Variants in CACNA1S observed in about 807,000 individuals in gnomAD.
The protein encoded by CACNA1S is voltage-dependent L-type calcium channel subunit alpha-1S.
CACNA1S carries 126 observed loss-of-function variants against 207.4 expected under a neutral mutation model. That is an observed-to-expected ratio of 0.61 (90% CI 0.53 to 0.70). The LOEUF (loss-of-function observed/expected upper bound fraction) is 0.70, where lower values mean the gene tolerates loss of function less well. Ranked by LOEUF, CACNA1S falls within the 30% of genes least tolerant of loss-of-function variation. The probability of loss-of-function intolerance (pLI) is 0.00; values close to 1 mark genes in which losing one functional copy is unlikely to be tolerated. For synonymous variants in CACNA1S, 960 were observed against 932.7 expected (o/e 1.03, Z -0.53); for missense variants, 2,349 against 2,422.8 (o/e 0.97, Z 0.64).
intron 16 of CACNA1S, among the ~76,000 whole-genome samples, chr1:201,071,468 G>A (rs575896352): frequency 6.6e-6 from 1 of 151,994 alleles, no homozygotes; most frequent in East Asian, 1.9e-4. Context: ...TCTTTCCCCC[G>A]CCTTCTTACT....
At position 201,092,673 on chromosome 1, in the gene CACNA1S, C is replaced by A. The variant is rs192691880; in HGVS notation, c.399-559G>T. 1.1e-4 allele frequency among the ~76,000 whole-genome samples: 17 copies of A among 152,304 alleles called. No individual in the cohort carries two copies. The East Asian group carries it at 3.1e-3, about 28-fold the overall frequency. ...CGGCAGAACTCCCTGGGACACATTG[C>A]GTATGAAACAACAATGCGCTGTGAG... is the stretch of plus-strand genomic sequence containing the variant. On this transcript the variant is annotated intron_variant, in intron 3 of 43. Transcript: ENST00000362061.
intron 34 of CACNA1S, 152 bp downstream of exon 34, chr1:201,050,237 G>A (rs938020009): frequency 2.3e-6 from 2 of 882,148 alleles, no homozygotes; most frequent in African/African-American, 1.6e-5. Flanking sequence ...CCAACCTGGA[G>A]ATACTCTGAT....
chr1:201,104,092 A>G (rs912084273), intron 2 of CACNA1S, among the ~76,000 whole-genome samples: 5 of 152,258 alleles, frequency 3.3e-5, no homozygotes, highest in African/African-American at 1.2e-4. Context: ...AAAGGATGCC[A>G]TATCTTTGTA....
rs1660496585 is a variant in CACNA1S, at chr1:201,047,123, G to T, written c.4660C>A (p.Gln1554Lys). 2.5e-6 allele frequency: 4 copies of T among 1,614,210 alleles called. No individual in the cohort carries two copies. Among genetic ancestry groups the T allele is most frequent in the Non-Finnish European group, 3.4e-6 (4 of 1,180,036 alleles). The change falls in exon 38 of 44, where the codon CAG becomes AAG. Residue 1554 changes from glutamine to lysine, a missense_variant. By Grantham distance (53) the Gln-to-Lys change is moderately conservative. Coordinates refer to ENST00000362061, the MANE Select transcript of CACNA1S (RefSeq NM_000069.3). ...YGYRPKKDIV[Q>K]IQAGLRTIEE... ...ACCTGGATTGGGCTTACCTGGATCT[G>T]TACAATGTCCTTCTTGGGCCGATAG...
At position 201,054,489 on chromosome 1, in the gene CACNA1S, T is replaced by C; in HGVS notation, c.3666+16A>G. On this transcript the variant is annotated intron_variant, in intron 29 of 43. Transcript: ENST00000362061. ...CTGGTGAGCGTGCCAGGCAGGCTCG[T>C]GCAGCCTGAAATTACAACGTTCCCG... is the stretch of plus-strand genomic sequence containing the variant. 6.2e-7 allele frequency: 1 copy of C among 1,611,648 alleles called. No individual in the cohort carries two copies. The highest frequency in any genetic ancestry group is 8.5e-7 in the Non-Finnish European group (1 of 1,178,210).
At chr1:201,051,177 G>T in intron 32 of CACNA1S, 34 bp from the exon 33 acceptor site, 1 of 1,613,188 alleles carries the variant, frequency 6.2e-7, no homozygotes, top group Non-Finnish European at 8.5e-7. Context: ...TCACCTATCT[G>T]CTCCTGCCTG....
At position 201,075,550 on chromosome 1, in the gene CACNA1S, G is replaced by C. The variant is rs1266860203; in HGVS notation, c.1893C>G (p.Ser631=). Residue 631 remains serine (S), a synonymous_variant, in exon 13 of 44, where the codon TCC becomes TCG. Transcript: ENST00000362061. ...YNGIMAYGGP[S]YPGMLVCIYF... ...AAATGCACACAAGCATGCCAGGGTA[G>C]GACGGCCCGCCGTAGGCCATGATCC... 4 of 1,613,936 alleles carry C rather than the reference G, an allele frequency of 2.5e-6. No individual in the cohort carries two copies. The Admixed American group carries it at 6.7e-5, about 27-fold the overall frequency.
At position 201,066,778 on chromosome 1, in the gene CACNA1S, C is replaced by A; in HGVS notation, c.2657+109G>T. 3 of 826,934 alleles carry A rather than the reference C, an allele frequency of 3.6e-6. No homozygotes were observed. Among genetic ancestry groups the A allele is most frequent in the Admixed American group, 2.0e-5 (1 of 50,854 alleles). The allele number at this position is 826,934 out of a possible 1,614,324, so 51.2% of individuals were successfully genotyped here. ...GCCTCCATCGGAGGCCCCGAGAGAC[C>A]CTCCTCTTGTGGCAGGGGCCCACCA... On this transcript the variant is annotated intron_variant, in intron 20 of 43. Transcript: ENST00000362061. The surrounding 1 kb of genome is among the most constrained non-coding windows in gnomAD (Gnocchi z 4.3).
rs1309339622 is a variant in CACNA1S, at chr1:201,066,102, T to C, written c.2745+127A>G. ...AGCATAGCTACCCCAGCCTCATCCT[T>C]ACCCCTATCTGCCCAGGGAGATGGG... On this transcript the variant is annotated intron_variant, in intron 21 of 43. Coordinates refer to ENST00000362061, the MANE Select transcript of CACNA1S (RefSeq NM_000069.3). This position sits in a 1 kb window ranked among gnomAD's most constrained non-coding sequence, Gnocchi z 4.3. 8 of 1,002,432 alleles carry C rather than the reference T, an allele frequency of 8.0e-6. No homozygotes were observed. The highest frequency in any genetic ancestry group is 1.2e-5 in the Non-Finnish European group (8 of 640,650). 62.1% of individuals were successfully genotyped at this position (1,002,432 alleles called of 1,614,324 possible).
intron 16 of CACNA1S, among the ~76,000 whole-genome samples, chr1:201,072,376 C>T (rs1366210628): frequency 6.6e-6 from 1 of 152,126 alleles, no homozygotes; most frequent in Non-Finnish European, 1.5e-5. Flanking sequence ...GAGTAATCTG[C>T]CTCATCACGA....
chr1:201,085,453 A>T lies in CACNA1S; in HGVS notation c.1133T>A (p.Val378Asp), dbSNP rs750464394. The T allele has an allele frequency of 8.7e-6, 14 of 1,613,352 alleles. No individual in the cohort carries two copies. In the East Asian group the frequency reaches 2.9e-4, roughly 33 times the overall value. Residue 378 changes from valine (V) to aspartate (D), a missense_variant, in exon 8 of 44, where the codon GTT (valine) becomes GAT (aspartate). Physicochemically the swap from Val to Asp is radical, Grantham distance 152. Coordinates refer to ENST00000362061, the MANE Select transcript of CACNA1S (RefSeq NM_000069.3). The stretch of plus-strand genomic sequence containing the variant: ...GCCCAAACCTTCTCTGAAGTCCTCA[A>T]CATCCATGACCTCGCCCTGCGTGAT... ...SWITQGEVMD[V>D]EDFREGKLSL...
intron 3 of CACNA1S, among the ~76,000 whole-genome samples, chr1:201,093,584 G>T (rs978183518): frequency 6.6e-6 from 1 of 152,210 alleles, no homozygotes; most frequent in African/African-American, 2.4e-5. Flanking sequence ...GAAACTGCTG[G>T]CCAGTGGAAA....
chr1:201,108,844 G>A (rs888258511), intron 2 of CACNA1S, among the ~76,000 whole-genome samples: 3 of 152,202 alleles, frequency 2.0e-5, no homozygotes, highest in Non-Finnish European at 4.4e-5. Flanking sequence ...TGTTGAAAAG[G>A]TGGTTCCATT....
rs148069332 is a variant in CACNA1S at position 201,110,703 on chromosome 1, T to G, written c.153-434A>C. Among the ~76,000 whole-genome samples, 317 of 152,098 alleles carry G rather than the reference T, an allele frequency of 2.1e-3. 1 individual carries two copies. The highest frequency in any genetic ancestry group is 7.3e-3 in the African/African-American group (302 of 41,476). ...TGGGAGGGTAAGGGTTGATGCAGGG[T>G]AAGGTTGAGAACTCACTGAGTAGGA... On this transcript the variant is annotated intron_variant, in intron 1 of 43. Transcript: ENST00000362061.
chr1:201,103,363 C>A lies in CACNA1S; in HGVS notation c.258+6801G>T, dbSNP rs530981345. On this transcript the variant is annotated intron_variant, in intron 2 of 43. Coordinates refer to ENST00000362061, the MANE Select transcript of CACNA1S (RefSeq NM_000069.3). ...CTAGATTGGAGGCAGGTTGGTTTGACTTGAGAGGCCGTCCTTTCCTGCGAC... is the reference window on the plus strand; with the variant it reads ...CTAGATTGGAGGCAGGTTGGTTTGAATTGAGAGGCCGTCCTTTCCTGCGAC... Among the ~76,000 whole-genome samples the A allele has an allele frequency of 3.3e-5, 5 of 152,262 alleles. No homozygotes were observed. In the South Asian group the frequency reaches 1.0e-3, roughly 32 times the overall value.
intron 9 of CACNA1S, among the ~76,000 whole-genome samples, chr1:201,083,867 C>A (rs149356658): frequency 2.5e-4 from 38 of 152,332 alleles, no homozygotes; most frequent in African/African-American, 7.9e-4. Flanking sequence ...GACCCTCCCA[C>A]CTCAGACTTC....
At chr1:201,106,328 C>G (rs1259174895) in intron 2 of CACNA1S, among the ~76,000 whole-genome samples, 1 of 152,146 alleles carries the variant, frequency 6.6e-6, no homozygotes, top group African/African-American at 2.4e-5. Context: ...TCCCATCTCA[C>G]CCCACGTCAC....
chr1:201,088,113 C>T (rs1488683606), intron 6 of CACNA1S, among the ~76,000 whole-genome samples, 184 bp from the exon 7 acceptor site: 1 of 152,182 alleles, frequency 6.6e-6, no homozygotes, highest in African/African-American at 2.4e-5. Context: ...GGACTAGGAT[C>T]TGGTCTGGAA....
chr1:201,053,700 G>A lies in CACNA1S; in HGVS notation c.3667-113C>T, dbSNP rs745684726. 10 of 1,119,710 alleles carry A rather than the reference G, an allele frequency of 8.9e-6. No individual in the cohort carries two copies. The highest frequency in any genetic ancestry group is 1.3e-5 in the Non-Finnish European group (10 of 781,000). 69.4% of individuals were successfully genotyped at this position (1,119,710 alleles called of 1,614,324 possible). ...TTTGGGGAGATGTTTGTGGCATGGA[G>A]GAACTCCAGCCCCGCCTCTGGCCCC... On this transcript the variant is annotated intron_variant, in intron 29 of 43. Transcript: ENST00000362061. The surrounding 1 kb of genome is among the most constrained non-coding windows in gnomAD (Gnocchi z 5.1).
Sources: allele counts gnomAD v4.1 joint callset (sites outside exome capture counted in the v4.1 genomes callset), GRCh38; gene constraint gnomAD v4.1.1; non-coding constraint Gnocchi (gnomAD v3.1); transcripts MANE v1.5; gene names NCBI Gene and HGNC (gene_info 2026-07-23, HGNC 2026-07-21).